The following AMPH variants were observed in gnomAD, a reference collection of about 807,000 sequenced individuals.
AMPH encodes amphiphysin (Stiff-Mann syndrome with breast cancer 128kD autoantigen).
AMPH carries 49 observed loss-of-function variants against 99.1 expected under a neutral mutation model. The observed-to-expected ratio is 0.49, with a 90% CI of 0.39 to 0.63. The LOEUF (loss-of-function observed/expected upper bound fraction) is 0.63, where lower values mean the gene tolerates loss of function less well. AMPH is among the 20% of genes least tolerant of loss of function. The pLI, the probability that AMPH is intolerant of heterozygous loss-of-function variation, is 0.00. For synonymous variants in AMPH, 314 were observed against 317.3 expected, an observed-to-expected ratio of 0.99 and a Z score of 0.11; for missense variants, 759 against 863.4, an observed-to-expected ratio of 0.88 and a Z score of 1.52.
At chr7:38,583,697 G>A (rs1427962281) in intron 1 of AMPH, among the ~76,000 whole-genome samples, 1 of 152,216 alleles carries the variant, frequency 6.6e-6, no homozygotes, top group African/African-American at 2.4e-5. Flanking sequence ...TGCCCCCAGG[G>A]AAGCTCACAG....
At chr7:38,542,755 A>G (rs142259220) in intron 1 of AMPH, among the ~76,000 whole-genome samples, 17 of 152,278 alleles carry the variant, frequency 1.1e-4, no homozygotes, top group African/African-American at 3.9e-4. Context: ...CAGGAGTTGG[A>G]GACCAGCCTG....
chr7:38,475,280 A>G, intron 7 of AMPH, 51 bp downstream of exon 7: 2 of 1,187,468 alleles, frequency 1.7e-6, no homozygotes, highest in Non-Finnish European at 2.5e-6. Context: ...ATATTCACTG[A>G]TCTTGAATTT....
At chr7:38,581,749 C>T (rs1792473858) in intron 1 of AMPH, among the ~76,000 whole-genome samples, 2 of 152,056 alleles carry the variant, frequency 1.3e-5, no homozygotes, top group African/African-American at 4.8e-5. Flanking sequence ...CATTCTACAT[C>T]TATTTTAGAA....
chr7:38,394,217 G>T lies in AMPH; in HGVS notation c.1399-3C>A, dbSNP rs769606162. 8 of 1,613,882 alleles carry T rather than the reference G, an allele frequency of 5.0e-6. No homozygotes were observed. Among genetic ancestry groups the T allele is most frequent in the African/African-American group, 1.3e-5 (1 of 74,944 alleles). ...TCAGCATCAGCTCCAGGTATGATCTGCAGGGCAGAAACCAGCAGGCCACGT... is the reference window on the plus strand; with the variant it reads ...TCAGCATCAGCTCCAGGTATGATCTTCAGGGCAGAAACCAGCAGGCCACGT... On this transcript the variant is annotated splice_region_variant and splice_polypyrimidine_tract_variant and intron_variant, in intron 17 of 20. Transcript: ENST00000356264.
rs1031754199 is a variant in AMPH, at chr7:38,503,500, G to A, written c.205+150C>T. 23 of 544,798 alleles carry A rather than the reference G, an allele frequency of 4.2e-5. 3 individuals are homozygous for A. In the Middle Eastern group the frequency reaches 2.3e-3, roughly 55 times the overall value. 33.7% of individuals were successfully genotyped at this position (544,798 alleles called of 1,614,324 possible). ...ATTTCAATGGGAATTTGGGGCGGGG[G>A]GGTGGGTGGTGGAATGGAACACCTG... On this transcript the variant is annotated intron_variant, in intron 3 of 20. Transcript: ENST00000356264.
At chr7:38,621,690 A>G (rs896699818) in intron 1 of AMPH, among the ~76,000 whole-genome samples, 8 of 152,184 alleles carry the variant, frequency 5.3e-5, no homozygotes, top group African/African-American at 1.9e-4. Context: ...TTTCAACTAA[A>G]TAACTGCATG....
intron 2 of AMPH, among the ~76,000 whole-genome samples, chr7:38,523,128 T>C (rs1022831271): frequency 4.9e-5 from 7 of 142,008 alleles, no homozygotes; most frequent in Non-Finnish European, 1.1e-4. Context: ...AAAAAGAAGG[T>C]GGGGGAGAGC....
intron 11 of AMPH, 99 bp downstream of exon 11, chr7:38,461,184 T>G (rs759557495): frequency 6.5e-6 from 9 of 1,374,654 alleles, no homozygotes; most frequent in African/African-American, 1.5e-5. Context: ...AAAATTATGT[T>G]GTTGGTTCTG....
At chr7:38,445,194 A>G (rs1470633492) in intron 11 of AMPH, among the ~76,000 whole-genome samples, 1 of 151,594 alleles carries the variant, frequency 6.6e-6, no homozygotes, top group Non-Finnish European at 1.5e-5. Flanking sequence ...GAGTAAGAAT[A>G]CTTTTCAACA....
At chr7:38,564,551 T>G (rs1169888230) in intron 1 of AMPH, among the ~76,000 whole-genome samples, 3 of 152,128 alleles carry the variant, frequency 2.0e-5, no homozygotes, top group Non-Finnish European at 2.9e-5. Context: ...AAGCCATGCC[T>G]CAGGGCCACC....
At chr7:38,560,542 T>C (rs941655123) in intron 1 of AMPH, among the ~76,000 whole-genome samples, 1 of 152,252 alleles carries the variant, frequency 6.6e-6, no homozygotes, top group Non-Finnish European at 1.5e-5. Flanking sequence ...AGTAAAGCTC[T>C]GACATCTTTG....
At chr7:38,571,306 T>G (rs1584259457) in intron 1 of AMPH, among the ~76,000 whole-genome samples, 1 of 93,458 alleles carries the variant, frequency 1.1e-5, no homozygotes, top group African/African-American at 4.5e-5. Flanking sequence ...TATGAATATA[T>G]ATATTTATAT....
intron 17 of AMPH, 99 bp from the exon 18 acceptor site, chr7:38,394,313 T>C (rs1784603207): frequency 1.6e-6 from 2 of 1,269,958 alleles, no homozygotes. Flanking sequence ...GTGGAGGCTA[T>C]TCAGATTTGG....
chr7:38,568,058 C>T (rs1008492578), intron 1 of AMPH, among the ~76,000 whole-genome samples: 31 of 152,146 alleles, frequency 2.0e-4, no homozygotes, highest in African/African-American at 6.8e-4. Context: ...TCCAATTTAA[C>T]TTTTCCAAGT....
chr7:38,385,084 C>T (rs1218197893), intron 20 of AMPH, among the ~76,000 whole-genome samples, 159 bp from the exon 21 acceptor site: 1 of 150,904 alleles, frequency 6.6e-6, no homozygotes, highest in Non-Finnish European at 1.5e-5. Context: ...AAGGCCTATC[C>T]CAAATAAGTT....
chr7:38,501,587 T>C (rs1284755576), intron 3 of AMPH, among the ~76,000 whole-genome samples: 1 of 152,200 alleles, frequency 6.6e-6, no homozygotes, highest in Admixed American at 6.5e-5. Context: ...ATAAAATTCA[T>C]AAATATCTTT....
At chr7:38,443,338 T>C (rs1270404110) in intron 11 of AMPH, among the ~76,000 whole-genome samples, 1 of 152,110 alleles carries the variant, frequency 6.6e-6, no homozygotes, top group Non-Finnish European at 1.5e-5. Context: ...CAATTGATTT[T>C]CAGTTCAATT....
chr7:38,492,823 C>T (rs55987221), intron 4 of AMPH, among the ~76,000 whole-genome samples: 12,711 of 152,168 alleles, frequency 0.084, 548 homozygotes, highest in South Asian at 0.12. Context: ...AAGTTATTAA[C>T]ACAAGTTTCT....
At chr7:38,521,791 G>T (rs1008293306) in intron 2 of AMPH, among the ~76,000 whole-genome samples, 1 of 152,096 alleles carries the variant, frequency 6.6e-6, no homozygotes, top group African/African-American at 2.4e-5. Flanking sequence ...TACTTCAGTA[G>T]TACATTCTTT....
Sources: allele counts gnomAD v4.1 joint callset (sites outside exome capture counted in the v4.1 genomes callset), GRCh38; gene constraint gnomAD v4.1.1; transcripts MANE v1.5; gene names NCBI Gene and HGNC (gene_info 2026-07-23, HGNC 2026-07-21).